Variants in PRKAR2A observed in about 807,000 individuals in gnomAD.
PRKAR2A encodes the protein cAMP-dependent protein kinase type II-alpha regulatory subunit.
PRKAR2A carries 29 observed loss-of-function variants against 51.9 expected under a neutral mutation model. The ratio of observed to expected loss-of-function variants is 0.56; its 90% confidence interval spans 0.42 to 0.76. The LOEUF is 0.76. Among genes scored for constraint, PRKAR2A ranks in the 30% least tolerant of loss-of-function variants. The pLI, the probability that PRKAR2A is intolerant of heterozygous loss-of-function variation, is 0.00. For synonymous variants in PRKAR2A, 178 were observed against 186.2 expected, an observed-to-expected ratio of 0.96 and a Z score of 0.36; for missense variants, 445 against 512.1, an observed-to-expected ratio of 0.87 and a Z score of 1.26.
intron 1 of PRKAR2A, among the ~76,000 whole-genome samples, chr3:48,846,882 T>A (rs902416542): frequency 6.6e-6 from 1 of 152,224 alleles, no homozygotes; most frequent in Admixed American, 6.5e-5. Context: ...ATATAGGGAT[T>A]CATCTCACCT....
At chr3:48,832,249 A>G (rs1441874185) in intron 1 of PRKAR2A, among the ~76,000 whole-genome samples, 1 of 149,458 alleles carries the variant, frequency 6.7e-6, no homozygotes, top group African/African-American at 2.5e-5. Flanking sequence ...AGCCGAGATC[A>G]TGCCATTGCA....
At chr3:48,813,417 T>C (rs1029224495) in intron 1 of PRKAR2A, among the ~76,000 whole-genome samples, 1 of 151,226 alleles carries the variant, frequency 6.6e-6, no homozygotes, top group Non-Finnish European at 1.5e-5. Flanking sequence ...AAAAAAAGGC[T>C]GGACATGGTG....
At chr3:48,842,107 T>C (rs1349207827) in intron 1 of PRKAR2A, among the ~76,000 whole-genome samples, 3 of 152,220 alleles carry the variant, frequency 2.0e-5, no homozygotes, top group Non-Finnish European at 4.4e-5. Context: ...GGTTTGTAGT[T>C]CTCCTTGAAG....
chr3:48,833,710 C>CAAA (rs749720008), intron 1 of PRKAR2A, among the ~76,000 whole-genome samples: 1 of 88,566 alleles, frequency 1.1e-5, no homozygotes, highest in Non-Finnish European at 2.3e-5. Flanking sequence ...GACTTGGTCT[C>CAAA]AAAAAAAAAA....
intron 8 of PRKAR2A, among the ~76,000 whole-genome samples, chr3:48,756,758 C>T (rs560478752): frequency 2.0e-5 from 3 of 152,326 alleles, no homozygotes; most frequent in East Asian, 1.9e-4. Flanking sequence ...GAACAAACAC[C>T]ATCTACATCA....
chr3:48,748,858 C>T lies in PRKAR2A; in HGVS notation c.*2727G>A, dbSNP rs1233751365. On this transcript the variant is annotated 3_prime_UTR_variant, in exon 11 of 11. Transcript: ENST00000265563. ...GAAAAATATGGGGTCACCACATGGG[C>T]TTTCCCAGTGCTAGCTGCCTGTTTT... The T allele has an allele frequency of 6.6e-6, 1 of 152,224 alleles. No homozygotes were observed. Among genetic ancestry groups the T allele is most frequent in the African/African-American group, 2.4e-5 (1 of 41,466 alleles). The allele number at this position is 152,224 out of a possible 1,614,324, so 9.4% of individuals were successfully genotyped here.
At chr3:48,786,117 G>T (rs922958117) in intron 4 of PRKAR2A, among the ~76,000 whole-genome samples, 33 of 150,612 alleles carry the variant, frequency 2.2e-4, no homozygotes, top group South Asian at 1.1e-3. Flanking sequence ...GCAGTTTTTT[G>T]GTTTTTTTTT....
At chr3:48,818,359 T>G (rs1287100861) in intron 1 of PRKAR2A, among the ~76,000 whole-genome samples, 1 of 152,214 alleles carries the variant, frequency 6.6e-6, no homozygotes, top group African/African-American at 2.4e-5. Context: ...CATTTTACAA[T>G]ATAAGCCATT....
intron 1 of PRKAR2A, among the ~76,000 whole-genome samples, chr3:48,809,608 A>G (rs1193859429): frequency 6.6e-6 from 1 of 150,584 alleles, no homozygotes; most frequent in Admixed American, 6.7e-5. Context: ...AAAAAAAAAA[A>G]AAAAAAAAAA....
chr3:48,787,217 C>T (rs981858910), intron 4 of PRKAR2A, among the ~76,000 whole-genome samples: 14 of 151,894 alleles, frequency 9.2e-5, no homozygotes, highest in Non-Finnish European at 4.4e-5. Flanking sequence ...CAGAGTTTCA[C>T]TCTTATTGCC....
In PRKAR2A at chr3:48,847,840, G is replaced by C. The variant is rs1396881965; in HGVS notation, c.-244C>G. 5.4e-6 allele frequency: 2 copies of C among 367,656 alleles called. No individual in the cohort carries two copies. Among genetic ancestry groups the C allele is most frequent in the Non-Finnish European group, 9.5e-6 (2 of 210,048 alleles). The allele number at this position is 367,656 out of a possible 1,614,324, so 22.8% of individuals were successfully genotyped here. A position where few individuals can be genotyped will look rare whatever the true frequency, so the allele number is the denominator to read the frequency against. On this transcript the variant is annotated 5_prime_UTR_variant, in exon 1 of 11. Transcript: ENST00000265563. This position sits in a 1 kb window ranked among gnomAD's most constrained non-coding sequence, Gnocchi z 4.4. ...CGCCGCCGCGGGGACCGACGGGCAG[G>C]CGAGCTGGACGGGCGGGGCAGGCGT...
At chr3:48,769,453 G>A (rs1378749467) in intron 6 of PRKAR2A, among the ~76,000 whole-genome samples, 1 of 150,766 alleles carries the variant, frequency 6.6e-6, no homozygotes, top group East Asian at 2.0e-4. Context: ...CACTGTGCCC[G>A]ACCACAACAA....
chr3:48,820,491 A>G (rs931378593), intron 1 of PRKAR2A, among the ~76,000 whole-genome samples: 10 of 152,168 alleles, frequency 6.6e-5, no homozygotes, highest in African/African-American at 2.4e-4. Context: ...ACTACTGTGA[A>G]CACTCGATTC....
intron 1 of PRKAR2A, among the ~76,000 whole-genome samples, chr3:48,822,766 T>G (rs1359454648): frequency 1.1e-5 from 1 of 90,900 alleles, no homozygotes; most frequent in Non-Finnish European, 2.4e-5. Flanking sequence ...CTCGTTCTGT[T>G]GCCCAGGCTG....
chr3:48,835,042 G>A (rs916727849), intron 1 of PRKAR2A, among the ~76,000 whole-genome samples: 1 of 150,218 alleles, frequency 6.7e-6, no homozygotes, highest in African/African-American at 2.5e-5. Flanking sequence ...CACGATCTCA[G>A]GTCACTGCAA....
At chr3:48,828,407 A>G (rs1008526901) in intron 1 of PRKAR2A, among the ~76,000 whole-genome samples, 15 of 151,986 alleles carry the variant, frequency 9.9e-5, no homozygotes, top group African/African-American at 3.4e-4. Flanking sequence ...ACATAAACGC[A>G]CTGTACAGGT....
At chr3:48,791,267 CAGAG>C (rs997903940) in intron 3 of PRKAR2A, among the ~76,000 whole-genome samples, 3 of 98,846 alleles carry the variant, frequency 3.0e-5, no homozygotes, top group African/African-American at 4.0e-5. Flanking sequence ...AGCCTAGCGA[CAGAG>C]AGAGATTCCA....
At position 48,768,065 on chromosome 3, in the gene PRKAR2A, T is replaced by C. The variant is rs186648969; in HGVS notation, c.697-2716A>G. 2.7e-4 allele frequency among the ~76,000 whole-genome samples: 40 copies of C among 150,000 alleles called. 1 individual carries two copies. Among genetic ancestry groups the C allele is most frequent in the Admixed American group, 2.4e-3 (36 of 14,936 alleles). ...ACTTTGGGAGGCTGAGGTGGGGAGG[T>C]GGGTGGATTGTTTGAGCCCAGAAGT... On this transcript the variant is annotated intron_variant, in intron 6 of 10. Coordinates refer to ENST00000265563, the MANE Select transcript of PRKAR2A (RefSeq NM_004157.4).
intron 1 of PRKAR2A, among the ~76,000 whole-genome samples, chr3:48,825,031 T>TTC (rs1339311706): frequency 9.3e-6 from 1 of 107,402 alleles, no homozygotes; most frequent in African/African-American, 3.5e-5. Context: ...TTCTTTTCTT[T>TTC]TTTTTTTTTT....
Sources: gnomAD v4.1 joint callset for allele counts (sites outside exome capture counted in the v4.1 genomes callset) on GRCh38, gnomAD v4.1.1 for gene constraint, Gnocchi (gnomAD v3.1) non-coding constraint, MANE v1.5 for transcripts, NCBI Gene and HGNC (gene_info 2026-07-23, HGNC 2026-07-21) for gene names.